CHD6: variants seen among roughly 807,000 people sequenced by gnomAD.
CHD6 encodes ATP-dependent chromatin remodeler CHD6.
A neutral mutation model predicts 276.9 loss-of-function variants in CHD6; 50 were observed. That is an observed-to-expected ratio of 0.18 (90% confidence interval 0.14 to 0.23). The LOEUF (loss-of-function observed/expected upper bound fraction) is 0.23. Ranked by LOEUF, CHD6 falls within the 10% of genes least tolerant of loss-of-function variation. CHD6 has a pLI of 1.00. For synonymous variants in CHD6, 1,173 were observed against 1,229.3 expected, an observed-to-expected ratio of 0.95 and a Z score of 0.96; for missense variants, 2,564 against 3,365.8, an observed-to-expected ratio of 0.76 and a Z score of 5.89.
intron 16 of CHD6, among the ~76,000 whole-genome samples, chr20:41,477,321 C>T (rs1284813900): frequency 2.0e-5 from 3 of 152,010 alleles, no homozygotes; most frequent in Non-Finnish European, 4.4e-5. Flanking sequence ...AACTACTGAT[C>T]AAAAGACTAG....
chr20:41,413,538 T>C (rs1425593445), intron 34 of CHD6, 23 bp from the exon 35 acceptor site: 1 of 1,489,168 alleles, frequency 6.7e-7, no homozygotes, highest in East Asian at 2.5e-5. Flanking sequence ...AAAACGAGTA[T>C]GTATAATCAC....
chr20:41,404,514 A>T lies in CHD6; in HGVS notation c.*79T>A. ...CTTATGGAAACACAGGTTCTTATGG[A>T]GGTGAAGTGAGGGAAGTAACAAACC... On this transcript the variant is annotated 3_prime_UTR_variant, in exon 37 of 37. Coordinates refer to ENST00000373233, the MANE Select transcript of CHD6 (RefSeq NM_032221.5). 1 of 1,432,726 alleles carries T rather than the reference A, an allele frequency of 7.0e-7. No homozygotes were observed. The highest frequency in any genetic ancestry group is 2.4e-5 in the East Asian group (1 of 42,462). 88.8% of individuals were successfully genotyped at this position (1,432,726 alleles called of 1,614,324 possible).
chr20:41,517,765 C>T (rs554877189), intron 3 of CHD6, among the ~76,000 whole-genome samples: 2 of 152,308 alleles, frequency 1.3e-5, no homozygotes, highest in South Asian at 4.1e-4. Flanking sequence ...CCCCATATTC[C>T]AGATGAGGAA....
intron 14 of CHD6, among the ~76,000 whole-genome samples, chr20:41,484,955 A>G (rs1202640858): frequency 6.6e-6 from 1 of 152,154 alleles, no homozygotes; most frequent in African/African-American, 2.4e-5. Context: ...AATTACCTGA[A>G]GAGTATTTTA....
chr20:41,491,933 T>C lies in CHD6; in HGVS notation c.1315-114A>G, dbSNP rs1352995860. Reference sequence around the variant, plus strand: ...CTGTCCCAAGGCTGGTTTCAAACTATAGTTATTACCTTCTGAGTAACGTAT... The same window carrying C: ...CTGTCCCAAGGCTGGTTTCAAACTACAGTTATTACCTTCTGAGTAACGTAT... On this transcript the variant is annotated intron_variant, in intron 10 of 36. Coordinates refer to ENST00000373233, the MANE Select transcript of CHD6 (RefSeq NM_032221.5). 5 of 1,145,216 alleles carry C rather than the reference T, an allele frequency of 4.4e-6. No individual in the cohort carries two copies. The African/African-American group carries it at 4.6e-5, about 10-fold the overall frequency. 70.9% of individuals were successfully genotyped at this position (1,145,216 alleles called of 1,614,324 possible).
In CHD6 at chr20:41,475,662, T is replaced by TC. The variant is rs1003916482; in HGVS notation, c.2469-2146dup. On this transcript the variant is annotated intron_variant, in intron 16 of 36. Coordinates refer to ENST00000373233, the MANE Select transcript of CHD6 (RefSeq NM_032221.5). ...GAGATTCAATTAAAGAACAGCCATT[T>TC]CCCCCCCTCTACCCTCCACCACCAA... Among the ~76,000 whole-genome samples the TC allele has an allele frequency of 3.3e-5, 5 of 151,554 alleles. No homozygotes were observed. In the South Asian group the frequency reaches 6.2e-4, roughly 19 times the overall value.
rs1212747122 is a variant in CHD6, at chr20:41,421,469, C to G, written c.5166G>C (p.Glu1722Asp). The change falls in exon 31 of 37, where the codon GAG becomes GAC. Residue 1722 changes from glutamate (E) to aspartate (D), a missense_variant. Physicochemically the swap from Glu to Asp is conservative, Grantham distance 45. This residue lies in a region of CHD6 where 1,024 missense variants were observed against 1,047.9 expected (regional missense o/e 0.98). Transcript: ENST00000373233. Reference protein sequence around the residue: ...VLSQEPSSFQESPSTNTESRK... With the variant: ...VLSQEPSSFQDSPSTNTESRK... ...TAGATTCAGTATTGGTACTTGGGCT[C>G]TCCTGAAAAGAGCTTGGTTCTTGGC... The G allele has an allele frequency of 6.2e-7, 1 of 1,613,990 alleles. No individual in the cohort carries two copies. The highest frequency in any genetic ancestry group is 1.3e-5 in the African/African-American group (1 of 74,906).
intron 8 of CHD6, among the ~76,000 whole-genome samples, chr20:41,495,024 A>C (rs536171741): frequency 6.9e-6 from 1 of 144,112 alleles, no homozygotes; most frequent in South Asian, 2.2e-4. Flanking sequence ...CTCTTCAGCA[A>C]TCCCCTCCCT....
At chr20:41,591,131 T>C (rs973661298) in intron 1 of CHD6, among the ~76,000 whole-genome samples, 1 of 147,468 alleles carries the variant, frequency 6.8e-6, no homozygotes, top group African/African-American at 2.5e-5. Flanking sequence ...AAATGCTGCA[T>C]GTTCTCACTC....
At chr20:41,491,616 G>T in intron 11 of CHD6, 82 bp downstream of exon 11, 2 of 1,528,882 alleles carry the variant, frequency 1.3e-6, no homozygotes, top group Non-Finnish European at 1.8e-6. Context: ...TCACCAGTCT[G>T]CTACTGCGAC....
At position 41,582,225 on chromosome 20, in the gene CHD6, T is replaced by A. The variant is rs904817919; in HGVS notation, c.-23-30865A>T. On this transcript the variant is annotated intron_variant, in intron 1 of 36. Transcript: ENST00000373233. ...ACACTACCTGCTTTTAAGAAATCAG[T>A]CTCATGAGAAAGACAAATCTGCTAA... is the stretch of plus-strand genomic sequence containing the variant. Among the ~76,000 whole-genome samples, 3 of 152,064 alleles carry A rather than the reference T, an allele frequency of 2.0e-5. No homozygotes were observed. The East Asian group carries it at 5.8e-4, about 29-fold the overall frequency.
chr20:41,499,951 G>C (rs1329090398), intron 5 of CHD6, among the ~76,000 whole-genome samples: 5 of 152,134 alleles, frequency 3.3e-5, no homozygotes, highest in Non-Finnish European at 7.4e-5. Flanking sequence ...CTGTTTCACT[G>C]ATCATCCTTT....
intron 8 of CHD6, among the ~76,000 whole-genome samples, chr20:41,494,956 T>A (rs1364143900): frequency 2.6e-5 from 4 of 152,162 alleles, no homozygotes; most frequent in Non-Finnish European, 4.4e-5. Context: ...TGTTGCTCAT[T>A]GGCATGAACT....
In CHD6 at chr20:41,580,608, C is replaced by A. The variant is rs190117572; in HGVS notation, c.-23-29248G>T. Among the ~76,000 whole-genome samples, 9 of 128,174 alleles carry A rather than the reference C, an allele frequency of 7.0e-5. No individual in the cohort carries two copies. The East Asian group carries it at 2.3e-3, about 33-fold the overall frequency. 84.1% of individuals were successfully genotyped at this position (128,174 alleles called of 152,430 possible). On this transcript the variant is annotated intron_variant, in intron 1 of 36. Transcript: ENST00000373233. ...CTGGGAGGTCAAAGTTGCAATGAGA[C>A]GTGATTATGCCTGGGTGACACAGTG...
chr20:41,521,910 A>G (rs990190242), intron 3 of CHD6, among the ~76,000 whole-genome samples: 1 of 152,270 alleles, frequency 6.6e-6, no homozygotes, highest in Non-Finnish European at 1.5e-5. Context: ...AATTGAGGAC[A>G]GTAAAGAATT....
rs149617493 is a variant in CHD6, at chr20:41,441,374, C to G, written c.3878-1245G>C. 2.7e-3 allele frequency among the ~76,000 whole-genome samples: 418 copies of G among 152,308 alleles called. 2 individuals are homozygous for G. Among genetic ancestry groups the G allele is most frequent in the Middle Eastern group, 0.024 (7 of 294 alleles). ...AAGAACCACTCTCACCCTTTCCCCA[C>G]GTTCCTGCCCCACCTCACATCAAAC... On this transcript the variant is annotated intron_variant, in intron 25 of 36. Transcript: ENST00000373233.
At chr20:41,428,614 T>A (rs2047438500) in intron 27 of CHD6, among the ~76,000 whole-genome samples, 1 of 152,228 alleles carries the variant, frequency 6.6e-6, no homozygotes, top group African/African-American at 2.4e-5. Context: ...TCGGGCAAGT[T>A]GTTTTGATCT....
intron 19 of CHD6, 90 bp from the exon 20 acceptor site, chr20:41,454,826 A>G (rs2048336506): frequency 1.2e-6 from 1 of 808,270 alleles, no homozygotes; most frequent in Non-Finnish European, 2.0e-6. Context: ...ACCTAAGTAT[A>G]TTATCTATTT....
intron 1 of CHD6, among the ~76,000 whole-genome samples, chr20:41,560,054 G>GTTTA (rs2045285138): frequency 6.6e-6 from 1 of 151,852 alleles, no homozygotes; most frequent in Non-Finnish European, 1.5e-5. Context: ...GTCGACTCCG[G>GTTTA]TTTATTCCCA....
Sources: allele counts gnomAD v4.1 joint callset (sites outside exome capture counted in the v4.1 genomes callset), GRCh38; gene constraint gnomAD v4.1.1; regional missense constraint gnomAD v4.1.1; transcripts MANE v1.5; gene names NCBI Gene and HGNC (gene_info 2026-07-23, HGNC 2026-07-21).